The following PIP5K1B variants were observed in gnomAD, a reference collection of about 807,000 sequenced individuals.
PIP5K1B encodes the protein phosphatidylinositol 4-phosphate 5-kinase type-1 beta.
Under a neutral mutation model 67.0 loss-of-function variants are expected in PIP5K1B, and 42 were observed. The ratio of observed to expected loss-of-function variants is 0.63; its 90% CI spans 0.49 to 0.81. PIP5K1B has a LOEUF of 0.81. Among genes scored for constraint, PIP5K1B ranks in the 30% least tolerant of loss-of-function variants. The pLI is 0.00. For missense variants in PIP5K1B, 459 were observed against 646.3 expected (o/e 0.71, Z 3.14); for synonymous variants, 214 against 231.4 (o/e 0.92, Z 0.68).
At chr9:68,934,829 A>G in intron 12 of PIP5K1B, 61 bp from the exon 13 acceptor site, 2 of 1,182,188 alleles carry the variant, frequency 1.7e-6, no homozygotes, top group Admixed American at 5.4e-5. Flanking sequence ...TCACTTTTAA[A>G]TAAAATAGTA....
rs529904433 is a variant in PIP5K1B at position 68,865,410 on chromosome 9, T to G, written c.200+1443T>G. Among the ~76,000 whole-genome samples, 6 of 152,120 alleles carry G rather than the reference T, an allele frequency of 3.9e-5. No homozygotes were observed. The South Asian group carries it at 6.2e-4, about 16-fold the overall frequency. On this transcript the variant is annotated intron_variant, in intron 5 of 15. Coordinates refer to ENST00000265382, the MANE Select transcript of PIP5K1B (RefSeq NM_003558.4). ...TTTTTAGGCTCATAATGCTTGTAAG[T>G]GTGTTTGCAGGATGTTTGTTTGAGC...
intron 8 of PIP5K1B, among the ~76,000 whole-genome samples, chr9:68,897,350 G>A (rs1226529738): frequency 6.6e-6 from 1 of 152,178 alleles, no homozygotes; most frequent in Non-Finnish European, 1.5e-5. Flanking sequence ...AGCATGAGGT[G>A]CACGACCTTT....
chr9:68,790,422 A>C (rs1310376043), intron 2 of PIP5K1B, among the ~76,000 whole-genome samples: 2 of 152,262 alleles, frequency 1.3e-5, no homozygotes, highest in Non-Finnish European at 2.9e-5. Flanking sequence ...AGTTGGTTCC[A>C]AAGGGTTAGT....
chr9:68,919,820 T>C, intron 11 of PIP5K1B, 91 bp downstream of exon 11: 1 of 700,480 alleles, frequency 1.4e-6, no homozygotes, highest in Non-Finnish European at 2.5e-6. Flanking sequence ...TGCTAGACTC[T>C]AAGAGGAAAT....
chr9:68,782,404 A>G (rs560468460), intron 2 of PIP5K1B: 4 of 167,094 alleles, frequency 2.4e-5, no homozygotes, highest in South Asian at 2.1e-4. Flanking sequence ...ATGTTTAATA[A>G]GAATAGCAAA....
chr9:68,957,627 A>G (rs1240003090), intron 14 of PIP5K1B, among the ~76,000 whole-genome samples: 1 of 152,200 alleles, frequency 6.6e-6, no homozygotes, highest in Non-Finnish European at 1.5e-5. Flanking sequence ...TGAAGGGGGT[A>G]TGATCTAATG....
chr9:68,759,861 T>TA (rs2132384673), intron 2 of PIP5K1B, among the ~76,000 whole-genome samples: 1 of 152,216 alleles, frequency 6.6e-6, no homozygotes, highest in Non-Finnish European at 1.5e-5. Flanking sequence ...ATTGTATATT[T>TA]AAAAACATGA....
At chr9:68,895,131 G>T (rs1408741545) in intron 8 of PIP5K1B, among the ~76,000 whole-genome samples, 1 of 152,064 alleles carries the variant, frequency 6.6e-6, no homozygotes, top group African/African-American at 2.4e-5. Flanking sequence ...CACGTTTGCT[G>T]AAATTATTTT....
At chr9:68,745,352 C>T (rs1439660381) in intron 2 of PIP5K1B, among the ~76,000 whole-genome samples, 26 of 152,214 alleles carry the variant, frequency 1.7e-4, no homozygotes, top group Admixed American at 1.7e-3. Context: ...TGTAGCCACA[C>T]CGTAGGTAAG....
At chr9:68,807,552 T>C (rs1224023527) in intron 2 of PIP5K1B, among the ~76,000 whole-genome samples, 1 of 152,174 alleles carries the variant, frequency 6.6e-6, no homozygotes, top group Non-Finnish European at 1.5e-5. Context: ...TCTTTGTATT[T>C]GGGGCATATA....
At chr9:68,963,792 T>C (rs1828876594) in intron 14 of PIP5K1B, among the ~76,000 whole-genome samples, 1 of 152,202 alleles carries the variant, frequency 6.6e-6, no homozygotes, top group African/African-American at 2.4e-5. Context: ...TATTACACTT[T>C]AGACAATAGA....
At chr9:68,936,914 A>G (rs1827290979) in intron 13 of PIP5K1B, among the ~76,000 whole-genome samples, 1 of 152,186 alleles carries the variant, frequency 6.6e-6, no homozygotes. Flanking sequence ...ATATTAGTTT[A>G]TTGATTTGCA....
At chr9:68,869,586 G>A (rs1160349774) in intron 5 of PIP5K1B, among the ~76,000 whole-genome samples, 2 of 152,214 alleles carry the variant, frequency 1.3e-5, no homozygotes, top group Non-Finnish European at 2.9e-5. Context: ...TTTACAAATT[G>A]TCTGCGGCTG....
intron 7 of PIP5K1B, among the ~76,000 whole-genome samples, chr9:68,889,858 G>A (rs1180324075): frequency 2.0e-5 from 3 of 152,046 alleles, no homozygotes; most frequent in Non-Finnish European, 2.9e-5. Context: ...GCTCTTTGCA[G>A]CCAGTACGCA....
intron 2 of PIP5K1B, among the ~76,000 whole-genome samples, chr9:68,786,546 T>TA (rs1432188861): frequency 6.6e-6 from 1 of 152,066 alleles, no homozygotes; most frequent in African/African-American, 2.4e-5. Flanking sequence ...TTTATTTTAC[T>TA]AGTGCTGCTA....
chr9:68,891,064 A>G (rs993270869), intron 7 of PIP5K1B, among the ~76,000 whole-genome samples: 6 of 152,220 alleles, frequency 3.9e-5, no homozygotes, highest in African/African-American at 1.4e-4. Context: ...CCTGGGCAAC[A>G]TGGTGAAACC....
chr9:68,835,026 G>A (rs761492617), intron 4 of PIP5K1B, among the ~76,000 whole-genome samples: 26 of 152,184 alleles, frequency 1.7e-4, no homozygotes, highest in Non-Finnish European at 3.5e-4. Flanking sequence ...AACTTGTCAG[G>A]GGAGGTCAGG....
chr9:68,998,040 CTTTCTTTT>C (rs35888296), intron 15 of PIP5K1B, among the ~76,000 whole-genome samples: 1,860 of 149,460 alleles, frequency 0.012, 32 homozygotes, highest in African/African-American at 0.044. Context: ...TTGATTTCTA[CTTTCTTTT>C]TTTCTTTTTT....
At chr9:68,939,691 T>A (rs1286005440) in intron 13 of PIP5K1B, among the ~76,000 whole-genome samples, 1 of 152,216 alleles carries the variant, frequency 6.6e-6, no homozygotes, top group Non-Finnish European at 1.5e-5. Flanking sequence ...GCCTTTCCTG[T>A]GCTTGCCTGG....
Sources: allele counts gnomAD v4.1 joint callset (sites outside exome capture counted in the v4.1 genomes callset), GRCh38; gene constraint gnomAD v4.1.1; transcripts MANE v1.5; gene names NCBI Gene and HGNC (gene_info 2026-07-23, HGNC 2026-07-21).